ADAM12: variants seen among roughly 807,000 people sequenced by gnomAD.
ADAM12 encodes the protein ADAM metallopeptidase domain 12.
In ADAM12, 70 loss-of-function variants were observed where a neutral mutation model predicts 106.4. That is an observed-to-expected ratio of 0.66 (90% confidence interval 0.54 to 0.80). The LOEUF (loss-of-function observed/expected upper bound fraction) is 0.80, where lower values mean the gene tolerates loss of function less well. Among genes scored for constraint, ADAM12 ranks in the 30% least tolerant of loss-of-function variants. The probability of loss-of-function intolerance (pLI) is 0.00; values close to 1 mark genes in which losing one functional copy is unlikely to be tolerated. For missense variants in ADAM12, 1,010 were observed against 1,171.9 expected (o/e 0.86, Z 2.02); for synonymous variants, 420 against 433.5 (o/e 0.97, Z 0.39).
chr10:126,289,350 GC>G (rs924449360), intron 2 of ADAM12, among the ~76,000 whole-genome samples: 4 of 152,376 alleles, frequency 2.6e-5, no homozygotes, highest in African/African-American at 9.6e-5. Context: ...GAAGGCCGAG[GC>G]CGGGATGAGT....
chr10:126,110,207 C>T (rs898608537), intron 6 of ADAM12, among the ~76,000 whole-genome samples: 2 of 152,060 alleles, frequency 1.3e-5, no homozygotes, highest in Non-Finnish European at 2.9e-5. Context: ...TTTCAGACCA[C>T]GTGTAGGTCT....
chr10:126,181,841 A>T (rs1957317661), intron 3 of ADAM12, among the ~76,000 whole-genome samples: 2 of 152,196 alleles, frequency 1.3e-5, no homozygotes, highest in South Asian at 4.1e-4. Context: ...TTCTGGACCG[A>T]CCAATAGCCG....
intron 3 of ADAM12, among the ~76,000 whole-genome samples, chr10:126,237,114 C>A (rs542706250): frequency 3.9e-5 from 6 of 152,258 alleles, no homozygotes; most frequent in African/African-American, 1.4e-4. Flanking sequence ...TGTTTTCTAG[C>A]ACTCTTCAAA....
chr10:126,263,818 T>C (rs891147078), intron 3 of ADAM12, among the ~76,000 whole-genome samples: 8 of 152,198 alleles, frequency 5.3e-5, no homozygotes, highest in African/African-American at 1.9e-4. Flanking sequence ...ATTTTCTAGA[T>C]AAAAAGAGAT....
chr10:126,093,222 C>G (rs1955497969), intron 11 of ADAM12, among the ~76,000 whole-genome samples: 1 of 152,186 alleles, frequency 6.6e-6, no homozygotes, highest in East Asian at 1.9e-4. Flanking sequence ...CTTAAACTAG[C>G]ACAAAGTTCT....
At chr10:126,320,713 G>C (rs1253850208) in intron 2 of ADAM12, among the ~76,000 whole-genome samples, 1 of 152,140 alleles carries the variant, frequency 6.6e-6, no homozygotes, top group South Asian at 2.1e-4. Context: ...TTTAAAGTAA[G>C]ATTTTAGAAT....
At chr10:126,362,601 T>C (rs1008756285) in intron 1 of ADAM12, among the ~76,000 whole-genome samples, 4 of 152,182 alleles carry the variant, frequency 2.6e-5, no homozygotes, top group Non-Finnish European at 4.4e-5. Flanking sequence ...ACAAATGGAA[T>C]ACTATTCAGT....
intron 3 of ADAM12, among the ~76,000 whole-genome samples, chr10:126,173,950 A>T (rs1166201949): frequency 1.3e-5 from 2 of 151,826 alleles, no homozygotes; most frequent in Non-Finnish European, 2.9e-5. Flanking sequence ...AAAAATAAAA[A>T]TCATACAAAC....
In ADAM12 at chr10:126,344,334, G is replaced by T. The variant is rs150167970; in HGVS notation, c.89-13825C>A. On this transcript the variant is annotated intron_variant, in intron 1 of 22. Coordinates refer to ENST00000448723, the MANE Select transcript of ADAM12 (RefSeq NM_001288973.2). ...GTTTGTCAAAGATCGGATGGTTGTA[G>T]ATGTGTGGTATTATTTCTGAGGGCT... 4.4e-4 allele frequency among the ~76,000 whole-genome samples: 67 copies of T among 152,270 alleles called. 1 individual carries two copies. In the East Asian group the frequency reaches 0.012, roughly 28 times the overall value.
chr10:126,241,223 C>T (rs1216267878), intron 3 of ADAM12, among the ~76,000 whole-genome samples: 1 of 152,142 alleles, frequency 6.6e-6, no homozygotes, highest in Non-Finnish European at 1.5e-5. Flanking sequence ...GAGAGATGGG[C>T]AAACGGAGAA....
chr10:126,108,462 G>T, intron 8 of ADAM12, 131 bp downstream of exon 8: 1 of 762,432 alleles, frequency 1.3e-6, no homozygotes, highest in African/African-American at 1.7e-5. Context: ...ACACTCAGAG[G>T]ACAGGAAACA....
chr10:126,082,761 C>A (rs189395156), intron 11 of ADAM12, among the ~76,000 whole-genome samples: 24 of 152,276 alleles, frequency 1.6e-4, no homozygotes, highest in Non-Finnish European at 3.1e-4. Flanking sequence ...CTACATATTC[C>A]TAGTCCCTTG....
chr10:126,042,165 C>T, intron 18 of ADAM12: 1 of 1,613,824 alleles, frequency 6.2e-7, no homozygotes, highest in Non-Finnish European at 8.5e-7. Context: ...TAGACGCATG[C>T]TCCTGCGATC....
intron 1 of ADAM12, among the ~76,000 whole-genome samples, chr10:126,363,533 A>C (rs1413452395): frequency 6.6e-6 from 1 of 152,068 alleles, no homozygotes; most frequent in African/African-American, 2.4e-5. Context: ...AAGAGGTAGA[A>C]CCTCCTTCCC....
At chr10:126,081,920 T>G (rs1209404816) in intron 11 of ADAM12, among the ~76,000 whole-genome samples, 1 of 152,182 alleles carries the variant, frequency 6.6e-6, no homozygotes, top group African/African-American at 2.4e-5. Context: ...AGAGCACGCT[T>G]TACACTGTAA....
At chr10:126,375,191 A>T (rs1230101668) in intron 1 of ADAM12, among the ~76,000 whole-genome samples, 4 of 152,020 alleles carry the variant, frequency 2.6e-5, no homozygotes, top group Non-Finnish European at 5.9e-5. Context: ...TTCAATGAAG[A>T]CTACTTCAAT....
chr10:126,319,040 T>C (rs996063895), intron 2 of ADAM12, among the ~76,000 whole-genome samples: 1 of 152,078 alleles, frequency 6.6e-6, no homozygotes, highest in African/African-American at 2.4e-5. Context: ...TCCCACAACA[T>C]GTGGGGGATT....
At chr10:126,048,362 A>C (rs1954382214) in intron 16 of ADAM12, among the ~76,000 whole-genome samples, 1 of 152,182 alleles carries the variant, frequency 6.6e-6, no homozygotes, top group South Asian at 2.1e-4. Context: ...CCTGAATATG[A>C]GCAAATGTGG....
chr10:126,287,935 C>T (rs1959950015), intron 2 of ADAM12, among the ~76,000 whole-genome samples: 1 of 147,636 alleles, frequency 6.8e-6, no homozygotes. Context: ...AGTCCCCACA[C>T]CCGGAGCAGG....
Sources: gnomAD v4.1 joint callset for allele counts (sites outside exome capture counted in the v4.1 genomes callset) on GRCh38, gnomAD v4.1.1 for gene constraint, MANE v1.5 for transcripts, NCBI Gene and HGNC (gene_info 2026-07-23, HGNC 2026-07-21) for gene names.